Variants in NMNAT3 observed in about 807,000 individuals in gnomAD.
NMNAT3 encodes the protein nicotinamide/nicotinic acid mononucleotide adenylyltransferase 3.
NMNAT3 carries 21 observed loss-of-function variants against 24.8 expected under a neutral mutation model. The observed-to-expected ratio is 0.85, with a 90% CI of 0.60 to 1.22. The LOEUF (loss-of-function observed/expected upper bound fraction) is 1.22, where lower values mean the gene tolerates loss of function less well. NMNAT3 is among the 50% of genes most tolerant of loss of function. NMNAT3 has a pLI of 0.00. For missense variants in NMNAT3, 387 were observed against 436.6 expected (o/e 0.89, Z 1.01); for synonymous variants, 136 against 155.2 (o/e 0.88, Z 0.92).
chr3:139,644,167 G>A (rs562282171), intron 1 of NMNAT3, among the ~76,000 whole-genome samples: 2 of 152,284 alleles, frequency 1.3e-5, no homozygotes, highest in South Asian at 2.1e-4. Context: ...TTTAGTTGGT[G>A]TGACAGCTGC....
At chr3:139,606,094 TTAAA>T (rs2054931256) in intron 3 of NMNAT3, among the ~76,000 whole-genome samples, 2 of 152,222 alleles carry the variant, frequency 1.3e-5, no homozygotes, top group Admixed American at 6.5e-5. Flanking sequence ...TGTTAATAAC[TTAAA>T]TAACCATGGT....
intron 1 of NMNAT3, among the ~76,000 whole-genome samples, chr3:139,651,441 T>C (rs1490129544): frequency 3.3e-5 from 5 of 152,294 alleles, no homozygotes; most frequent in African/African-American, 1.2e-4. Flanking sequence ...TGCCAAATGA[T>C]TCAAAAGCTA....
chr3:139,674,594 A>C (rs1376334501), intron 1 of NMNAT3, among the ~76,000 whole-genome samples: 2 of 152,164 alleles, frequency 1.3e-5, no homozygotes, highest in Non-Finnish European at 2.9e-5. Flanking sequence ...ACAAATTATA[A>C]TTTTGCAGGT....
intron 3 of NMNAT3, among the ~76,000 whole-genome samples, chr3:139,586,008 T>C (rs1015360789): frequency 2.0e-5 from 3 of 152,234 alleles, no homozygotes; most frequent in Non-Finnish European, 2.9e-5. Flanking sequence ...TTCTGGCAAG[T>C]GCTCAACAGG....
At chr3:139,574,676 T>A (rs1939028828) in intron 5 of NMNAT3, among the ~76,000 whole-genome samples, 1 of 152,156 alleles carries the variant, frequency 6.6e-6, no homozygotes. Context: ...GTTCAGGCTT[T>A]TTTGCTGAAT....
intron 1 of NMNAT3, among the ~76,000 whole-genome samples, chr3:139,662,827 T>G (rs925956203): frequency 6.6e-6 from 1 of 152,178 alleles, no homozygotes; most frequent in Non-Finnish European, 1.5e-5. Context: ...ACTCTCCCTT[T>G]GCTCTCTTTT....
intron 1 of NMNAT3, among the ~76,000 whole-genome samples, chr3:139,668,184 T>C (rs973771555): frequency 4.6e-5 from 7 of 151,898 alleles, no homozygotes; most frequent in Admixed American, 2.0e-4. Context: ...GAGAAGAAAG[T>C]CCAAGAAAGA....
At chr3:139,652,628 G>T (rs1161369758) in intron 1 of NMNAT3, among the ~76,000 whole-genome samples, 1 of 152,194 alleles carries the variant, frequency 6.6e-6, no homozygotes, top group African/African-American at 2.4e-5. Flanking sequence ...CCCTTGTGAG[G>T]ACTTTACTAC....
chr3:139,578,036 A>G (rs1368577902), intron 5 of NMNAT3, among the ~76,000 whole-genome samples: 1 of 152,208 alleles, frequency 6.6e-6, no homozygotes, highest in Non-Finnish European at 1.5e-5. Flanking sequence ...GTGGTTCTAA[A>G]TAGACAAAAG....
chr3:139,662,369 A>G (rs2057443893), intron 1 of NMNAT3, among the ~76,000 whole-genome samples: 1 of 152,098 alleles, frequency 6.6e-6, no homozygotes, highest in South Asian at 2.1e-4. Context: ...CATCTGTAAT[A>G]TGGGGGAGAA....
At chr3:139,614,768 G>T (rs1603555) in intron 3 of NMNAT3, among the ~76,000 whole-genome samples, 141,473 of 152,270 alleles carry the variant, frequency 0.93, 66,648 homozygotes, top group East Asian at 1. Context: ...ACATTTCTCA[G>T]CTGTAAAGAT....
intron 3 of NMNAT3, among the ~76,000 whole-genome samples, chr3:139,597,722 T>C (rs2054543874): frequency 6.6e-6 from 1 of 152,182 alleles, no homozygotes; most frequent in East Asian, 1.9e-4. Context: ...CCCCTTGACT[T>C]TGGAATTGGC....
chr3:139,672,822 T>G (rs1428639818), intron 1 of NMNAT3: 3 of 152,196 alleles, frequency 2.0e-5, no homozygotes, highest in Admixed American at 6.5e-5. Context: ...GATCACATCT[T>G]ATTTTGAACA....
intron 2 of NMNAT3, chr3:139,637,015 C>A (rs1295082947): frequency 6.6e-6 from 1 of 152,226 alleles, no homozygotes; most frequent in Admixed American, 6.5e-5. Flanking sequence ...CTAGACTTGA[C>A]CCTGCTTATG....
chr3:139,654,793 C>G lies in NMNAT3; in HGVS notation c.-140-16731G>C, dbSNP rs531625279. The stretch of plus-strand genomic sequence containing the variant: ...AAATGGTTCCAAAGTCCTTGACTGC[C>G]ATTAATAATCCCTTCATTCAGCAAA... On this transcript the variant is annotated intron_variant, in intron 1 of 6. Coordinates refer to ENST00000643695, the MANE Select transcript of NMNAT3 (RefSeq NM_001320510.2). Among the ~76,000 whole-genome samples the G allele has an allele frequency of 5.3e-5, 8 of 152,342 alleles. No homozygotes were observed. In the South Asian group the frequency reaches 1.7e-3, roughly 32 times the overall value.
In NMNAT3 at chr3:139,578,858, G is replaced by C; in HGVS notation, c.575+14C>G. On this transcript the variant is annotated intron_variant, in intron 5 of 6. Transcript: ENST00000643695. ...TGGCCCCTGGTCATCACACAGGAGA[G>C]TGACTACCATTACCTCAGCACCTTC... The C allele has an allele frequency of 4.4e-6, 7 of 1,609,130 alleles. No homozygotes were observed. The highest frequency in any genetic ancestry group is 5.1e-6 in the Non-Finnish European group (6 of 1,176,726).
intron 1 of NMNAT3, among the ~76,000 whole-genome samples, chr3:139,644,853 C>A (rs1370538714): frequency 6.6e-6 from 1 of 152,094 alleles, no homozygotes; most frequent in East Asian, 1.9e-4. Flanking sequence ...TGAAAAGACA[C>A]AGAAGGCTTG....
chr3:139,572,575 G>A (rs560663260), intron 6 of NMNAT3, among the ~76,000 whole-genome samples: 115 of 152,286 alleles, frequency 7.6e-4, no homozygotes, highest in African/African-American at 2.7e-3. Context: ...GGATACTGCT[G>A]TGAGGGATCC....
At chr3:139,644,897 T>C (rs1309401057) in intron 1 of NMNAT3, among the ~76,000 whole-genome samples, 2 of 152,126 alleles carry the variant, frequency 1.3e-5, no homozygotes, top group African/African-American at 4.8e-5. Flanking sequence ...GTTATCAACA[T>C]TGGCAATGTA....
Sources: allele counts gnomAD v4.1 joint callset (sites outside exome capture counted in the v4.1 genomes callset), GRCh38; gene constraint gnomAD v4.1.1; transcripts MANE v1.5; gene names NCBI Gene and HGNC (gene_info 2026-07-23, HGNC 2026-07-21).